The following ALK variants were observed in gnomAD, a reference collection of about 807,000 sequenced individuals.
ALK encodes the protein ALK tyrosine kinase receptor.
ALK carries 74 observed loss-of-function variants against 163.1 expected under a neutral mutation model. The ratio of observed to expected loss-of-function variants is 0.45; its 90% CI spans 0.38 to 0.55. The LOEUF is 0.55. Among genes scored for constraint, ALK ranks in the 20% least tolerant of loss-of-function variants. The pLI is 0.00. For synonymous variants in ALK, 960 were observed against 843.2 expected, an observed-to-expected ratio of 1.14 and a Z score of -2.40; for missense variants, 2,063 against 2,105.3, an observed-to-expected ratio of 0.98 and a Z score of 0.39.
intron 11 of ALK, among the ~76,000 whole-genome samples, chr2:29,252,514 T>TTA (rs1422366400): frequency 7.2e-5 from 11 of 152,318 alleles, no homozygotes; most frequent in African/African-American, 2.6e-4. Flanking sequence ...GGGTTGCCGA[T>TTA]TATAAGCAAT....
At chr2:29,228,334 G>A (rs904440914) in intron 16 of ALK, among the ~76,000 whole-genome samples, 21 of 152,228 alleles carry the variant, frequency 1.4e-4, no homozygotes, top group African/African-American at 5.1e-4. Context: ...AGCTTCAGAA[G>A]GCTCTGCTGA....
chr2:29,782,317 G>A (rs1663849175), intron 1 of ALK, among the ~76,000 whole-genome samples: 1 of 152,076 alleles, frequency 6.6e-6, no homozygotes, highest in East Asian at 1.9e-4. Context: ...TGTGCCCTCT[G>A]GAGCCAGGCA....
intron 1 of ALK, among the ~76,000 whole-genome samples, chr2:29,876,891 A>C (rs1666738268): frequency 6.6e-6 from 1 of 152,134 alleles, no homozygotes; most frequent in African/African-American, 2.4e-5. Context: ...CCACCTTTGC[A>C]TTGAACCAGC....
intron 1 of ALK, among the ~76,000 whole-genome samples, chr2:29,739,592 T>C (rs1205791272): frequency 6.6e-6 from 1 of 151,934 alleles, no homozygotes; most frequent in Non-Finnish European, 1.5e-5. Flanking sequence ...GTTACATGGT[T>C]TGTGAAATTT....
chr2:29,371,266 C>T (rs1183279816), intron 5 of ALK, among the ~76,000 whole-genome samples: 1 of 152,190 alleles, frequency 6.6e-6, no homozygotes, highest in African/African-American at 2.4e-5. Context: ...CAGAAAATGC[C>T]AGAACTTTAA....
At chr2:29,916,646 C>T (rs1310128265) in intron 1 of ALK, among the ~76,000 whole-genome samples, 1 of 152,212 alleles carries the variant, frequency 6.6e-6, no homozygotes, top group Non-Finnish European at 1.5e-5. Context: ...GCTCAGGCCT[C>T]TCCATAGTAC....
chr2:29,794,215 T>C (rs1664252051), intron 1 of ALK, among the ~76,000 whole-genome samples: 1 of 152,174 alleles, frequency 6.6e-6, no homozygotes, highest in African/African-American at 2.4e-5. Flanking sequence ...TGAACCAACC[T>C]CTGCTAGCTT....
At chr2:29,652,677 A>C (rs1327058827) in intron 3 of ALK, among the ~76,000 whole-genome samples, 1 of 152,062 alleles carries the variant, frequency 6.6e-6, no homozygotes, top group East Asian at 1.9e-4. Context: ...GGTTAAGTTG[A>C]TCACCAATGG....
chr2:29,218,869 G>A (rs1289442568), intron 23 of ALK, among the ~76,000 whole-genome samples: 2 of 152,256 alleles, frequency 1.3e-5, no homozygotes, highest in East Asian at 1.9e-4. Flanking sequence ...GAAAGCCAGT[G>A]AATCTGATGC....
At chr2:29,487,321 C>T (rs115676264) in intron 4 of ALK, among the ~76,000 whole-genome samples, 205 of 152,230 alleles carry the variant, frequency 1.3e-3, no homozygotes, top group African/African-American at 4.9e-3. Flanking sequence ...GGTGGGAGAA[C>T]AGTGTGAAAG....
chr2:29,555,453 T>A (rs1426560046), intron 3 of ALK, among the ~76,000 whole-genome samples: 1 of 152,118 alleles, frequency 6.6e-6, no homozygotes, highest in African/African-American at 2.4e-5. Flanking sequence ...GGGATTAAAT[T>A]TAAATCTAGT....
intron 28 of ALK, among the ~76,000 whole-genome samples, chr2:29,195,734 AAAATT>A (rs778737516): frequency 3.9e-5 from 6 of 152,212 alleles, no homozygotes; most frequent in South Asian, 2.1e-4. Context: ...GACTGCTCCC[AAAATT>A]AAATTAAATA....
chr2:29,259,381 G>A (rs1406239), intron 11 of ALK, among the ~76,000 whole-genome samples: 7,354 of 151,986 alleles, frequency 0.048, 218 homozygotes, highest in Non-Finnish European at 0.073. Flanking sequence ...CCCTTACTTC[G>A]TCATAGTTCT....
intron 1 of ALK, among the ~76,000 whole-genome samples, chr2:29,868,649 G>C (rs1666503206): frequency 6.6e-6 from 1 of 152,152 alleles, no homozygotes; most frequent in South Asian, 2.1e-4. Context: ...TAAGCCTTAT[G>C]CTCTAATCCA....
At chr2:29,495,721 C>G (rs1452310531) in intron 4 of ALK, among the ~76,000 whole-genome samples, 2 of 152,154 alleles carry the variant, frequency 1.3e-5, no homozygotes, top group African/African-American at 2.4e-5. Context: ...GAGAGAAAGC[C>G]AGGACTCAAG....
At chr2:29,200,137 G>T (rs1445850792) in intron 26 of ALK, among the ~76,000 whole-genome samples, 2 of 148,616 alleles carry the variant, frequency 1.3e-5, no homozygotes, top group Non-Finnish European at 3.0e-5. Flanking sequence ...GAGATCTCTT[G>T]ATTTTGCTAC....
intron 1 of ALK, among the ~76,000 whole-genome samples, chr2:29,739,240 TAAAA>T (rs57381961): frequency 3.0e-4 from 12 of 40,326 alleles, no homozygotes; most frequent in African/African-American, 1.1e-3. Flanking sequence ...CAGTCTCTCT[TAAAA>T]AAAAAAAAAA....
At chr2:29,791,106 C>G (rs1351389077) in intron 1 of ALK, among the ~76,000 whole-genome samples, 1 of 152,144 alleles carries the variant, frequency 6.6e-6, no homozygotes, top group Admixed American at 6.5e-5. Flanking sequence ...CAGTGTAACT[C>G]AATAAACATT....
intron 4 of ALK, among the ~76,000 whole-genome samples, chr2:29,427,693 A>T (rs1670179078): frequency 6.6e-6 from 1 of 152,134 alleles, no homozygotes; most frequent in African/African-American, 2.4e-5. Flanking sequence ...GCAGATAAAA[A>T]TCCATGCATG....
Sources: gnomAD v4.1 joint callset for allele counts (sites outside exome capture counted in the v4.1 genomes callset) on GRCh38, gnomAD v4.1.1 for gene constraint, MANE v1.5 for transcripts, NCBI Gene and HGNC (gene_info 2026-07-23, HGNC 2026-07-21) for gene names.